GPC6: variants seen among roughly 807,000 people sequenced by gnomAD.
The protein encoded by GPC6 is glypican-6.
GPC6 carries 14 observed loss-of-function variants against 55.2 expected under a neutral mutation model. That is an observed-to-expected ratio of 0.25 (90% CI 0.17 to 0.40). GPC6 has a LOEUF of 0.40. GPC6 is among the 10% of genes least tolerant of loss of function. The probability of loss-of-function intolerance (pLI) is 1.00; values close to 1 mark genes in which losing one functional copy is unlikely to be tolerated. For missense variants in GPC6, 641 were observed against 708.5 expected (o/e 0.90, Z 1.08); for synonymous variants, 278 against 259.6 (o/e 1.07, Z -0.68).
chr13:93,808,152 CAA>C (rs1198606258), intron 2 of GPC6, among the ~76,000 whole-genome samples: 1 of 152,124 alleles, frequency 6.6e-6, no homozygotes, highest in Non-Finnish European at 1.5e-5. Context: ...TTTTATTCAG[CAA>C]AGACTAGATT....
chr13:94,235,426 G>A (rs929062768), intron 4 of GPC6, among the ~76,000 whole-genome samples: 10 of 152,158 alleles, frequency 6.6e-5, no homozygotes, highest in African/African-American at 2.2e-4. Context: ...CTCATTGAGC[G>A]GCCTTACTTT....
chr13:93,852,270 T>G (rs935178746), intron 3 of GPC6, among the ~76,000 whole-genome samples: 1 of 151,704 alleles, frequency 6.6e-6, no homozygotes, highest in Non-Finnish European at 1.5e-5. Context: ...TTTACAGGTA[T>G]ATGCACAATG....
intron 2 of GPC6, among the ~76,000 whole-genome samples, chr13:93,582,938 T>C (rs1365261544): frequency 6.6e-6 from 1 of 152,208 alleles, no homozygotes; most frequent in African/African-American, 2.4e-5. Context: ...AGAATCCGTG[T>C]AGATGTTCAA....
chr13:94,121,604 C>T (rs779489512), intron 4 of GPC6, among the ~76,000 whole-genome samples: 11 of 152,042 alleles, frequency 7.2e-5, no homozygotes, highest in Non-Finnish European at 1.2e-4. Context: ...CAATACTTAA[C>T]GATATATTAT....
intron 1 of GPC6, among the ~76,000 whole-genome samples, chr13:93,311,143 G>A (rs1480096722): frequency 1.3e-5 from 2 of 152,260 alleles, no homozygotes; most frequent in East Asian, 3.9e-4. Context: ...AGAAAGGGTA[G>A]GGCAATGCCA....
Position 94,027,963 on chromosome 13 carries a change from G to A in GPC6, c.877+69G>A, listed in dbSNP as rs1882967566. 2.2e-6 allele frequency: 3 copies of A among 1,394,708 alleles called. No homozygotes were observed. The South Asian group carries it at 3.5e-5, about 16-fold the overall frequency. 86.4% of individuals were successfully genotyped at this position (1,394,708 alleles called of 1,614,324 possible). A position where few individuals can be genotyped will look rare whatever the true frequency, so the allele number is the denominator to read the frequency against. ...AGCAAGTGTTTATGGGGCTTGATGG[G>A]TGGGTCAGAAGTTATAAGAAACCAG... On this transcript the variant is annotated intron_variant, in intron 4 of 8. Coordinates refer to ENST00000377047, the MANE Select transcript of GPC6 (RefSeq NM_005708.5).
intron 4 of GPC6, among the ~76,000 whole-genome samples, chr13:94,068,336 G>T (rs897027725): frequency 7.9e-5 from 12 of 152,156 alleles, no homozygotes; most frequent in African/African-American, 2.9e-4. Flanking sequence ...CTCCATGATT[G>T]AATTATCTCC....
At chr13:93,403,335 C>G (rs559306137) in intron 1 of GPC6, among the ~76,000 whole-genome samples, 50 of 152,298 alleles carry the variant, frequency 3.3e-4, no homozygotes, top group African/African-American at 1.2e-3. Flanking sequence ...ACTGGTTGGT[C>G]TGGCTCTTCT....
chr13:94,348,224 T>C (rs1268482908), intron 6 of GPC6, among the ~76,000 whole-genome samples: 2 of 152,264 alleles, frequency 1.3e-5, no homozygotes, highest in Non-Finnish European at 2.9e-5. Flanking sequence ...ATGGAACATA[T>C]ACTCTTATGG....
At chr13:94,111,949 A>G (rs764639411) in intron 4 of GPC6, among the ~76,000 whole-genome samples, 2 of 152,128 alleles carry the variant, frequency 1.3e-5, no homozygotes, top group Non-Finnish European at 1.5e-5. Flanking sequence ...CAATCCTCAC[A>G]TAAGAGATGC....
At chr13:94,054,455 G>A (rs1019983869) in intron 4 of GPC6, among the ~76,000 whole-genome samples, 2 of 152,158 alleles carry the variant, frequency 1.3e-5, no homozygotes, top group Non-Finnish European at 2.9e-5. Flanking sequence ...TCTGGGGTGG[G>A]GAATGTGTGT....
chr13:93,825,607 C>T (rs917532553), intron 2 of GPC6, among the ~76,000 whole-genome samples: 13 of 152,174 alleles, frequency 8.5e-5, no homozygotes, highest in Non-Finnish European at 1.6e-4. Flanking sequence ...TTCATTAACG[C>T]TCCTCATTAA....
chr13:93,980,915 A>G (rs1425895072), intron 3 of GPC6, among the ~76,000 whole-genome samples: 1 of 152,134 alleles, frequency 6.6e-6, no homozygotes, highest in Admixed American at 6.6e-5. Flanking sequence ...CACACCCTCA[A>G]TAAATCACTT....
At chr13:94,178,025 A>ATTTT (rs767978319) in intron 4 of GPC6, among the ~76,000 whole-genome samples, 19 of 132,992 alleles carry the variant, frequency 1.4e-4, no homozygotes, top group African/African-American at 4.1e-4. Flanking sequence ...TGGCCTTTTA[A>ATTTT]TTTTTTTTTT....
rs1482854351 is a variant in GPC6 at position 93,979,343 on chromosome 13, GTGT to G, written c.712-48384_712-48382del. The stretch of plus-strand genomic sequence containing the variant: ...TTTGTGTGTGTTTTTTTGTGTGTGT[GTGT>G]TTTTTTTAATTTTTTTTTTATTATA... On this transcript the variant is annotated intron_variant, in intron 3 of 8. Coordinates refer to ENST00000377047, the MANE Select transcript of GPC6 (RefSeq NM_005708.5). 2.4e-4 allele frequency among the ~76,000 whole-genome samples: 36 copies of G among 149,464 alleles called. No individual in the cohort carries two copies. The East Asian group carries it at 6.7e-3, about 28-fold the overall frequency.
intron 6 of GPC6, among the ~76,000 whole-genome samples, chr13:94,329,299 G>A (rs1555596): frequency 0.19 from 28,868 of 152,056 alleles, 2,886 homozygotes; most frequent in East Asian, 0.33. Flanking sequence ...CATGTTCAAC[G>A]TTAGGAATTT....
At chr13:93,488,043 A>G (rs1434254268) in intron 1 of GPC6, among the ~76,000 whole-genome samples, 2 of 152,220 alleles carry the variant, frequency 1.3e-5, no homozygotes, top group African/African-American at 4.8e-5. Context: ...ATATGTATAC[A>G]TGTGCCAAGT....
chr13:93,413,006 A>G (rs1345788322), intron 1 of GPC6, among the ~76,000 whole-genome samples: 1 of 152,210 alleles, frequency 6.6e-6, no homozygotes, highest in Non-Finnish European at 1.5e-5. Context: ...TTTAATTTCT[A>G]TCTTCATACA....
At chr13:93,328,877 T>G (rs1442689007) in intron 1 of GPC6, among the ~76,000 whole-genome samples, 1 of 152,118 alleles carries the variant, frequency 6.6e-6, no homozygotes. Context: ...GTTGACCAAA[T>G]ACCTCTACAG....
Sources: allele counts gnomAD v4.1 joint callset (sites outside exome capture counted in the v4.1 genomes callset), GRCh38; gene constraint gnomAD v4.1.1; transcripts MANE v1.5; gene names NCBI Gene and HGNC (gene_info 2026-07-23, HGNC 2026-07-21).